DCHS2: variants seen among roughly 807,000 people sequenced by gnomAD.
DCHS2 encodes protocadherin-23.
In DCHS2, 142 loss-of-function variants were observed where a neutral mutation model predicts 182.4. The observed-to-expected ratio is 0.78, with a 90% confidence interval of 0.68 to 0.89. The LOEUF (loss-of-function observed/expected upper bound fraction) is 0.89. Ranked by LOEUF, DCHS2 falls within the 40% of genes least tolerant of loss-of-function variation. The probability of loss-of-function intolerance (pLI) is 0.00; values close to 1 mark genes in which losing one functional copy is unlikely to be tolerated. For missense variants in DCHS2, 4,319 were observed against 4,198.6 expected (o/e 1.03, Z -0.79); for synonymous variants, 1,740 against 1,663.3 (o/e 1.05, Z -1.12).
At chr4:154,272,748 C>A (rs766339154) in intron 13 of DCHS2, among the ~76,000 whole-genome samples, 14 of 152,124 alleles carry the variant, frequency 9.2e-5, no homozygotes, top group African/African-American at 3.1e-4. Flanking sequence ...AGTGTGAGAA[C>A]GGACTGATAA....
intron 10 of DCHS2, among the ~76,000 whole-genome samples, chr4:154,307,571 C>T (rs1735497099): frequency 6.6e-6 from 1 of 152,160 alleles, no homozygotes; most frequent in Non-Finnish European, 1.5e-5. Context: ...CCAGTCCGGC[C>T]CCATGAGCTA....
At chr4:154,461,892 T>C (rs1399670370) in intron 1 of DCHS2, among the ~76,000 whole-genome samples, 3 of 152,200 alleles carry the variant, frequency 2.0e-5, no homozygotes, top group African/African-American at 7.2e-5. Flanking sequence ...TTTCCCATAC[T>C]TATTCACTTT....
chr4:154,315,813 G>A lies in DCHS2; in HGVS notation c.5195C>T (p.Ser1732Leu). The change falls in exon 10 of 20, where the codon TCA becomes TTA. Residue 1732 changes from serine (S) to leucine (L), a missense_variant. Ser to Leu is a moderately radical substitution (Grantham distance 145). Coordinates refer to ENST00000357232, the MANE Select transcript of DCHS2 (RefSeq NM_001358235.2). ...CCCTGGATTTTGGTTTTCTTTCACT[G>A]AGGCTTCATACAGGTGCTGCTTAAA... ...PVFKQHLYEA[S>L]VKENQNPGEF... The A allele has an allele frequency of 6.2e-7, 1 of 1,614,010 alleles. No individual in the cohort carries two copies. The highest frequency in any genetic ancestry group is 1.1e-5 in the South Asian group (1 of 91,080).
At chr4:154,308,928 G>A (rs1162791240) in intron 10 of DCHS2, among the ~76,000 whole-genome samples, 1 of 152,140 alleles carries the variant, frequency 6.6e-6, no homozygotes, top group African/African-American at 2.4e-5. Flanking sequence ...CCCTAAAGAT[G>A]AATAGGAGTT....
rs1729238007 is a variant in DCHS2 at position 154,343,993 on chromosome 4, T to C, written c.2477-8889A>G. ...ACACTTAAAGGCCATTATAGGGTTA[T>C]TAACTGCCAAATTTCAACATTGCTG... On this transcript the variant is annotated intron_variant, in intron 3 of 19. Transcript: ENST00000357232. Among the ~76,000 whole-genome samples, 4 of 152,186 alleles carry C rather than the reference T, an allele frequency of 2.6e-5. No homozygotes were observed. The South Asian group carries it at 8.3e-4, about 31-fold the overall frequency.
intron 16 of DCHS2, among the ~76,000 whole-genome samples, chr4:154,249,593 A>T (rs1272174564): frequency 6.6e-6 from 1 of 152,176 alleles, no homozygotes; most frequent in Non-Finnish European, 1.5e-5. Context: ...AAGGTAGATC[A>T]TTAGAGCAAA....
intron 1 of DCHS2, among the ~76,000 whole-genome samples, chr4:154,463,390 C>A (rs3958410): frequency 0.92 from 139,313 of 152,020 alleles, 65,089 homozygotes; most frequent in East Asian, 1. Context: ...AGCATTTTTC[C>A]GGGACATAAA....
At chr4:154,310,657 A>G (rs1204314694) in intron 10 of DCHS2, among the ~76,000 whole-genome samples, 1 of 152,172 alleles carries the variant, frequency 6.6e-6, no homozygotes, top group Non-Finnish European at 1.5e-5. Context: ...CATGGTGCCA[A>G]TGGTCCCAGG....
intron 1 of DCHS2, among the ~76,000 whole-genome samples, chr4:154,408,830 G>A (rs557530993): frequency 6.6e-6 from 1 of 152,190 alleles, no homozygotes; most frequent in East Asian, 1.9e-4. Context: ...AAGTAAGCAA[G>A]GGGACCCCAG....
rs1578912640 is a variant in DCHS2, at chr4:154,285,737, G to C, written c.6463+12114C>G. 2.6e-5 allele frequency among the ~76,000 whole-genome samples: 4 copies of C among 152,124 alleles called. No homozygotes were observed. The East Asian group carries it at 7.7e-4, about 29-fold the overall frequency. The stretch of plus-strand genomic sequence containing the variant: ...TTGCAGTAGAATAGAGCACCAGGTA[G>C]ATGTGTCAGGAGTCCTGACTTTCTG... On this transcript the variant is annotated intron_variant, in intron 13 of 19. Transcript: ENST00000357232.
At chr4:154,302,441 C>T (rs1361000471) in intron 12 of DCHS2, among the ~76,000 whole-genome samples, 3 of 152,152 alleles carry the variant, frequency 2.0e-5, no homozygotes, top group Admixed American at 1.3e-4. Flanking sequence ...CCTTCTTTGC[C>T]GAGTTGTGGG....
chr4:154,359,835 A>AG (rs1730035536), intron 3 of DCHS2, among the ~76,000 whole-genome samples: 1 of 152,086 alleles, frequency 6.6e-6, no homozygotes, highest in African/African-American at 2.4e-5. Flanking sequence ...CTACTTACTC[A>AG]ATTGGAAAGA....
intron 19 of DCHS2, among the ~76,000 whole-genome samples, chr4:154,238,172 T>A (rs1488783896): frequency 1.5e-5 from 1 of 66,578 alleles, no homozygotes; most frequent in Non-Finnish European, 2.9e-5. Context: ...GGGGGTGGGG[T>A]GGGGATACAG....
chr4:154,464,030 G>A (rs1165281480), intron 1 of DCHS2, among the ~76,000 whole-genome samples: 3 of 152,102 alleles, frequency 2.0e-5, no homozygotes, highest in Non-Finnish European at 2.9e-5. Context: ...TCCAAAGTAC[G>A]AGTTGGAAAA....
rs747125781 is a variant in DCHS2, at chr4:154,490,149, C to G, written c.1207G>C (p.Val403Leu). The G allele has an allele frequency of 8.4e-6, 13 of 1,548,654 alleles. No individual in the cohort carries two copies. The East Asian group carries it at 2.7e-4, about 32-fold the overall frequency. ...EVATVRVSIA[V>L]LDVNDNRPAI... ...GGCCGGTTGTCATTCACGTCCAGCA[C>G]GGCGATGGACACGCGCACCGTGGCA... Residue 403 changes from valine to leucine, a missense_variant, in exon 1 of 20, where the codon GTG (valine) becomes CTG (leucine). Physicochemically the swap from Val to Leu is conservative, Grantham distance 32 (BLOSUM62 1). Coordinates refer to ENST00000357232, the MANE Select transcript of DCHS2 (RefSeq NM_001358235.2).
Position 154,398,301 on chromosome 4 carries a change from CT to C in DCHS2, c.2053-20858del, listed in dbSNP as rs1371148714. ...GAATCCTGGGTTCACCATGTACAAA[CT>C]TTATCAAAGTTAATTAGCCACTTCC... On this transcript the variant is annotated intron_variant, in intron 1 of 19. Transcript: ENST00000357232. Among the ~76,000 whole-genome samples, 3 of 152,196 alleles carry C rather than the reference CT, an allele frequency of 2.0e-5. No homozygotes were observed. The East Asian group carries it at 5.8e-4, about 29-fold the overall frequency.
chr4:154,259,292 C>G (rs541902494), intron 15 of DCHS2, among the ~76,000 whole-genome samples: 31 of 152,194 alleles, frequency 2.0e-4, no homozygotes, highest in Admixed American at 2.0e-3. Flanking sequence ...CTCAACAGTA[C>G]TCCTAGAGAA....
At chr4:154,317,991 T>C (rs1302837266) in intron 9 of DCHS2, among the ~76,000 whole-genome samples, 2 of 152,168 alleles carry the variant, frequency 1.3e-5, no homozygotes, top group Non-Finnish European at 2.9e-5. Context: ...ATTTCCATAC[T>C]AAAGTCTTTG....
chr4:154,375,928 G>A (rs1730871012), intron 2 of DCHS2, among the ~76,000 whole-genome samples: 1 of 152,106 alleles, frequency 6.6e-6, no homozygotes, highest in Non-Finnish European at 1.5e-5. Flanking sequence ...ATACACAACA[G>A]CATAAATGAT....
Sources: gnomAD v4.1 joint callset for allele counts (sites outside exome capture counted in the v4.1 genomes callset) on GRCh38, gnomAD v4.1.1 for gene constraint, MANE v1.5 for transcripts, NCBI Gene and HGNC (gene_info 2026-07-23, HGNC 2026-07-21) for gene names.